GPD2: variants seen among roughly 807,000 people sequenced by gnomAD.
The protein encoded by GPD2 is glycerol-3-phosphate dehydrogenase, mitochondrial.
In GPD2, 54 loss-of-function variants were observed where a neutral mutation model predicts 82.4. The ratio of observed to expected loss-of-function variants is 0.66; its 90% confidence interval spans 0.53 to 0.82. GPD2 has a LOEUF of 0.82. Among genes scored for constraint, GPD2 ranks in the 40% least tolerant of loss-of-function variants. The probability of loss-of-function intolerance (pLI) is 0.00; values close to 1 mark genes in which losing one functional copy is unlikely to be tolerated. For synonymous variants in GPD2, 288 were observed against 306.1 expected, an observed-to-expected ratio of 0.94 and a Z score of 0.62; for missense variants, 748 against 896.2, an observed-to-expected ratio of 0.83 and a Z score of 2.11.
chr2:156,420,243 C>T, the GPD2 span, among the ~76,000 whole-genome samples: 13 of 152,138 alleles, frequency 8.5e-5, no homozygotes, highest in Admixed American at 6.5e-5. Flanking sequence ...GTGATCTCGG[C>T]TCACTGCAAC....
intron 1 of GPD2, among the ~76,000 whole-genome samples, chr2:156,450,700 GT>G (rs1682526366): frequency 9.7e-6 from 1 of 103,552 alleles, no homozygotes; most frequent in Non-Finnish European, 2.0e-5. Context: ...ATTCTTGGGT[GT>G]TTCTCGCAGA....
intron 2 of GPD2, among the ~76,000 whole-genome samples, chr2:156,483,245 T>C (rs1683801434): frequency 6.6e-6 from 1 of 152,256 alleles, no homozygotes; most frequent in Non-Finnish European, 1.5e-5. Context: ...TGAATGTGTC[T>C]GTTATGTGAA....
intron 1 of GPD2, among the ~76,000 whole-genome samples, chr2:156,452,435 T>G (rs1682643574): frequency 6.6e-6 from 1 of 152,122 alleles, no homozygotes; most frequent in Non-Finnish European, 1.5e-5. Context: ...GCACCTGCAA[T>G]CGCAGGCTGA....
chr2:156,582,389 G>A (rs528620491), intron 16 of GPD2, among the ~76,000 whole-genome samples: 1 of 151,200 alleles, frequency 6.6e-6, no homozygotes, highest in Non-Finnish European at 1.5e-5. Context: ...AAAAAAAAGG[G>A]TAGACAAATA....
At chr2:156,487,615 G>A (rs1174563158) in intron 2 of GPD2, among the ~76,000 whole-genome samples, 2 of 152,220 alleles carry the variant, frequency 1.3e-5, no homozygotes, top group East Asian at 3.9e-4. Flanking sequence ...CTGGTCAAAA[G>A]ATTCCTCCTT....
the GPD2 span, among the ~76,000 whole-genome samples, chr2:156,423,830 G>A: frequency 1.3e-5 from 2 of 152,178 alleles, no homozygotes; most frequent in Admixed American, 6.5e-5. Context: ...AGGCAGAGCC[G>A]ATCTCCACTG....
intron 9 of GPD2, among the ~76,000 whole-genome samples, chr2:156,563,369 G>C (rs191032892): frequency 1.3e-5 from 2 of 152,254 alleles, no homozygotes; most frequent in East Asian, 3.9e-4. Flanking sequence ...TATCCTGGCA[G>C]TATGAGAACT....
chr2:156,529,331 G>A (rs1466488903), intron 6 of GPD2, among the ~76,000 whole-genome samples: 1 of 144,796 alleles, frequency 6.9e-6, no homozygotes, highest in Non-Finnish European at 1.5e-5. Context: ...GTAGATTCTG[G>A]ATATTAGCCC....
At chr2:156,495,752 T>C in intron 2 of GPD2, 1 of 419,952 alleles carries the variant, frequency 2.4e-6, no homozygotes, top group Non-Finnish European at 4.6e-6. Flanking sequence ...TGGGAATTGC[T>C]ATACAGTGTT....
chr2:156,496,034 T>TCAG lies in GPD2; in HGVS notation c.103-10_103-9insCAG. 1 of 1,605,992 alleles carries TCAG rather than the reference T, an allele frequency of 6.2e-7. No homozygotes were observed. The highest frequency in any genetic ancestry group is 8.5e-7 in the Non-Finnish European group (1 of 1,173,510). On this transcript the variant is annotated splice_polypyrimidine_tract_variant and intron_variant, in intron 2 of 16. Transcript: ENST00000438166. ...AATGGACAACTGAAAGTGATCTGCTTTTACATCAGATGAACCTGGCCTATG... is the reference window on the plus strand; with the variant it reads ...AATGGACAACTGAAAGTGATCTGCTTCAGTTACATCAGATGAACCTGGCCTATG...
rs1369732373 is a variant in GPD2, at chr2:156,557,410, T to C, written c.993T>C (p.Leu331=). Residue 331 remains leucine, a synonymous_variant, in exon 9 of 17, where the codon CTT becomes CTC. Coordinates refer to ENST00000438166, the MANE Select transcript of GPD2 (RefSeq NM_000408.5). ...GYYSPESMGL[L]DPATSDGRVI... ...TCAGCCCAGAGAGCATGGGACTTCT[T>C]GACCCAGCGACCAGTGATGGGCGAG... 6.2e-7 allele frequency: 1 copy of C among 1,608,240 alleles called. No individual in the cohort carries two copies. Among genetic ancestry groups the C allele is most frequent in the African/African-American group, 1.3e-5 (1 of 74,974 alleles).
intron 4 of GPD2, among the ~76,000 whole-genome samples, chr2:156,511,598 A>T (rs190925383): frequency 6.6e-6 from 1 of 152,266 alleles, no homozygotes; most frequent in Admixed American, 6.5e-5. Flanking sequence ...CTTCAGCATC[A>T]TGATGGAGGC....
chr2:156,535,440 GAGAGA>G (rs1686041836), intron 6 of GPD2, among the ~76,000 whole-genome samples: 2 of 146,970 alleles, frequency 1.4e-5, no homozygotes, highest in African/African-American at 2.5e-5. Flanking sequence ...GGGGTGGGGA[GAGAGA>G]GAGAGAGAGA....
chr2:156,533,937 G>A (rs773071205), intron 6 of GPD2, among the ~76,000 whole-genome samples: 2 of 152,206 alleles, frequency 1.3e-5, no homozygotes, highest in Non-Finnish European at 2.9e-5. Context: ...GCCCCAGTGG[G>A]CATGTCACAA....
intron 2 of GPD2, among the ~76,000 whole-genome samples, chr2:156,494,972 T>G (rs1244046828): frequency 6.6e-6 from 1 of 152,220 alleles, no homozygotes; most frequent in African/African-American, 2.4e-5. Flanking sequence ...TTTAAGAAAC[T>G]AGAAATATGG....
intron 3 of GPD2, among the ~76,000 whole-genome samples, chr2:156,498,324 G>A (rs748976051): frequency 4.6e-5 from 7 of 152,118 alleles, no homozygotes; most frequent in Non-Finnish European, 1.0e-4. Flanking sequence ...GAGAATATGT[G>A]AGCCTTTTAA....
intron 9 of GPD2, among the ~76,000 whole-genome samples, chr2:156,563,905 C>T (rs1421910461): frequency 6.6e-6 from 1 of 152,096 alleles, no homozygotes; most frequent in Non-Finnish European, 1.5e-5. Flanking sequence ...AATTCAGTTG[C>T]TCAGTCAGGT....
chr2:156,404,624 T>C, the GPD2 span, among the ~76,000 whole-genome samples: 4 of 139,494 alleles, frequency 2.9e-5, no homozygotes, highest in South Asian at 6.6e-4. Flanking sequence ...GTGGATCACC[T>C]GGGGTCAGAA....
At chr2:156,550,855 A>G (rs1010106701) in intron 8 of GPD2, 109 bp downstream of exon 8, 32 of 919,868 alleles carry the variant, frequency 3.5e-5, no homozygotes, top group African/African-American at 6.5e-5. Context: ...CTTGCTGTTC[A>G]AAATCAGGAG....
Sources: gnomAD v4.1 joint callset for allele counts (sites outside exome capture counted in the v4.1 genomes callset) on GRCh38, gnomAD v4.1.1 for gene constraint, MANE v1.5 for transcripts, NCBI Gene and HGNC (gene_info 2026-07-23, HGNC 2026-07-21) for gene names.